TAOK1: variants seen among roughly 807,000 people sequenced by gnomAD.
TAOK1 encodes TAO kinase 1.
TAOK1 carries 21 observed loss-of-function variants against 138.3 expected under a neutral mutation model. That is an observed-to-expected ratio of 0.15 (90% CI 0.11 to 0.22). The LOEUF (loss-of-function observed/expected upper bound fraction) is 0.22, where lower values mean the gene tolerates loss of function less well. Ranked by LOEUF, TAOK1 falls within the 10% of genes least tolerant of loss-of-function variation. The pLI is 1.00. For synonymous variants in TAOK1, 361 were observed against 398.4 expected, an observed-to-expected ratio of 0.91 and a Z score of 1.12; for missense variants, 651 against 1,227.7, an observed-to-expected ratio of 0.53 and a Z score of 7.02.
At chr17:29,485,496 G>A (rs1412812122) in intron 8 of TAOK1, among the ~76,000 whole-genome samples, 1 of 151,938 alleles carries the variant, frequency 6.6e-6, no homozygotes, top group East Asian at 1.9e-4. Context: ...AAATAAGCTG[G>A]GCATGGTAAC....
At chr17:29,498,982 C>T (rs1033671793) in intron 12 of TAOK1, among the ~76,000 whole-genome samples, 9 of 151,268 alleles carry the variant, frequency 5.9e-5, no homozygotes, top group Non-Finnish European at 1.3e-4. Flanking sequence ...TAACTCCTAA[C>T]CTGTTATCTC....
At chr17:29,517,017 C>T (rs1204269887) in intron 15 of TAOK1, among the ~76,000 whole-genome samples, 2 of 150,336 alleles carry the variant, frequency 1.3e-5, no homozygotes, top group Non-Finnish European at 3.0e-5. Context: ...GACAGAGTCT[C>T]GCTCTGTCAC....
chr17:29,441,684 G>A (rs563339690), intron 1 of TAOK1, among the ~76,000 whole-genome samples: 20 of 152,138 alleles, frequency 1.3e-4, no homozygotes, highest in Admixed American at 7.2e-4. Flanking sequence ...GGTGGATCAC[G>A]AGGTGAAGAA....
intron 1 of TAOK1, among the ~76,000 whole-genome samples, chr17:29,419,829 C>G (rs975610778): frequency 3.3e-5 from 5 of 152,094 alleles, no homozygotes; most frequent in African/African-American, 9.6e-5. Flanking sequence ...TTATCTCCCC[C>G]CTCCACCAAA....
At chr17:29,423,837 C>G (rs1304764486) in intron 1 of TAOK1, among the ~76,000 whole-genome samples, 5 of 151,924 alleles carry the variant, frequency 3.3e-5, no homozygotes. Flanking sequence ...TGTTTGAGGT[C>G]AGGAGTTCGA....
rs2032426911 is a variant in TAOK1, at chr17:29,547,886, C to T, written c.*4864C>T. The T allele has an allele frequency of 6.6e-6, 1 of 152,166 alleles. No homozygotes were observed. The highest frequency in any genetic ancestry group is 1.9e-4 in the East Asian group (1 of 5,174). 9.4% of individuals were successfully genotyped at this position (152,166 alleles called of 1,614,324 possible). On this transcript the variant is annotated 3_prime_UTR_variant, in exon 20 of 20. Transcript: ENST00000261716. ...GGCTGTACACTTAGCGGACTTGCCT[C>T]TTGTATGCAAGGACTACTGATTGAA... is the stretch of plus-strand genomic sequence containing the variant.
At chr17:29,465,770 A>AT (rs898189892) in intron 2 of TAOK1, among the ~76,000 whole-genome samples, 25 of 75,682 alleles carry the variant, frequency 3.3e-4, no homozygotes, top group Admixed American at 1.1e-3. Flanking sequence ...CTTAATAGTT[A>AT]TTTTTTTTGT....
intron 15 of TAOK1, chr17:29,512,487 C>T (rs1344601490): frequency 6.6e-6 from 1 of 151,880 alleles, no homozygotes; most frequent in East Asian, 1.9e-4. Flanking sequence ...TCAAGTGATT[C>T]TCCTGCCTCA....
Position 29,550,640 on chromosome 17 carries a change from CAT to C in TAOK1, c.*7620_*7621del, listed in dbSNP as rs1198437684. On this transcript the variant is annotated 3_prime_UTR_variant, in exon 20 of 20. Transcript: ENST00000261716. ...AACGTAACTATTAACACAGTTTTAA[CAT>C]AAGTTATCCCACTGGGTTTAAGAGC... 6.6e-6 allele frequency: 1 copy of C among 152,178 alleles called. No homozygotes were observed. The highest frequency in any genetic ancestry group is 1.5e-5 in the Non-Finnish European group (1 of 68,030). 9.4% of individuals were successfully genotyped at this position (152,178 alleles called of 1,614,324 possible).
intron 1 of TAOK1, among the ~76,000 whole-genome samples, chr17:29,402,005 ATGCTTGTTTTAGTT>A (rs1567708112): frequency 6.6e-6 from 1 of 152,106 alleles, no homozygotes; most frequent in African/African-American, 2.4e-5. Flanking sequence ...TCTCTGAAGT[ATGCTTGTTTTAGTT>A]TGCTTTTTCC....
At chr17:29,410,556 A>G (rs1021392941) in intron 1 of TAOK1, among the ~76,000 whole-genome samples, 9 of 146,934 alleles carry the variant, frequency 6.1e-5, no homozygotes, top group Non-Finnish European at 4.5e-5. Flanking sequence ...ACTGGCCTAT[A>G]TGTATAGATC....
chr17:29,524,957 T>G (rs926976154), intron 17 of TAOK1, among the ~76,000 whole-genome samples: 14 of 152,156 alleles, frequency 9.2e-5, no homozygotes, highest in African/African-American at 3.4e-4. Context: ...CGCTTTCACT[T>G]GAGTCACACA....
intron 1 of TAOK1, among the ~76,000 whole-genome samples, chr17:29,430,828 G>C (rs1307703845): frequency 6.6e-6 from 1 of 152,114 alleles, no homozygotes; most frequent in Non-Finnish European, 1.5e-5. Flanking sequence ...ACCTGTTGGA[G>C]ATCACGGAAC....
rs577838926 is a variant in TAOK1, at chr17:29,483,826, A to G, written c.655+1538A>G. ...GTACCTTTAGGTGTCCTAAACTCTAATCTCTATTCTTTTACCTATGATTCT... is the reference window on the plus strand; with the variant it reads ...GTACCTTTAGGTGTCCTAAACTCTAGTCTCTATTCTTTTACCTATGATTCT... On this transcript the variant is annotated intron_variant, in intron 8 of 19. Coordinates refer to ENST00000261716, the MANE Select transcript of TAOK1 (RefSeq NM_020791.4). Among the ~76,000 whole-genome samples, 15 of 152,166 alleles carry G rather than the reference A, an allele frequency of 9.9e-5. No homozygotes were observed. In the East Asian group the frequency reaches 2.1e-3, roughly 22 times the overall value.
intron 6 of TAOK1, among the ~76,000 whole-genome samples, chr17:29,478,775 G>A (rs1305861177): frequency 6.6e-6 from 1 of 152,110 alleles, no homozygotes; most frequent in Non-Finnish European, 1.5e-5. Context: ...TTGTCTTCTT[G>A]GTAACTGATA....
rs112178162 is a variant in TAOK1 at position 29,520,695 on chromosome 17, G to A, written c.1909-1585G>A. ...CTCCCAGAGTGCTGGGATTACAGGC[G>A]TGAGCCACCGTGCCCAGCCAAAAAA... On this transcript the variant is annotated intron_variant, in intron 16 of 19. Transcript: ENST00000261716. 1.7e-3 allele frequency among the ~76,000 whole-genome samples: 261 copies of A among 151,158 alleles called. 2 individuals are homozygous for A. Among genetic ancestry groups the A allele is most frequent in the Middle Eastern group, 3.4e-3 (1 of 294 alleles).
chr17:29,486,174 A>C (rs2031168246), intron 8 of TAOK1, among the ~76,000 whole-genome samples: 1 of 152,150 alleles, frequency 6.6e-6, no homozygotes, highest in Non-Finnish European at 1.5e-5. Context: ...CTGTAGTCCC[A>C]GCTGCTTTGG....
At chr17:29,517,060 C>G (rs2031829835) in intron 15 of TAOK1, among the ~76,000 whole-genome samples, 1 of 151,658 alleles carries the variant, frequency 6.6e-6, no homozygotes, top group South Asian at 2.1e-4. Context: ...GATCTCAGCT[C>G]ACTGCAAGCT....
intron 7 of TAOK1, among the ~76,000 whole-genome samples, chr17:29,481,479 T>A (rs1598499841): frequency 6.6e-6 from 1 of 151,770 alleles, no homozygotes; most frequent in Non-Finnish European, 1.5e-5. Flanking sequence ...CGTGAACCAC[T>A]GTGCCTGGCC....
Sources: gnomAD v4.1 joint callset for allele counts (sites outside exome capture counted in the v4.1 genomes callset) on GRCh38, gnomAD v4.1.1 for gene constraint, MANE v1.5 for transcripts, NCBI Gene and HGNC (gene_info 2026-07-23, HGNC 2026-07-21) for gene names.